SLCO3A1: variants seen among roughly 807,000 people sequenced by gnomAD.
SLCO3A1 encodes PGE1 transporter.
Under a neutral mutation model 63.1 loss-of-function variants are expected in SLCO3A1, and 27 were observed. The observed-to-expected ratio is 0.43, with a 90% CI of 0.32 to 0.59. The LOEUF (loss-of-function observed/expected upper bound fraction) is 0.59. SLCO3A1 is among the 20% of genes least tolerant of loss of function. SLCO3A1 has a pLI of 0.09. For missense variants in SLCO3A1, 773 were observed against 945.8 expected (o/e 0.82, Z 2.40); for synonymous variants, 473 against 409.9 (o/e 1.15, Z -1.86).
At chr15:91,914,876 C>G (rs934231318) in intron 1 of SLCO3A1, among the ~76,000 whole-genome samples, 1 of 152,152 alleles carries the variant, frequency 6.6e-6, no homozygotes, top group African/African-American at 2.4e-5. Context: ...CCGGCCCCAG[C>G]TATTTTCTCT....
chr15:92,000,044 G>A (rs1489421053), intron 2 of SLCO3A1, among the ~76,000 whole-genome samples: 1 of 152,166 alleles, frequency 6.6e-6, no homozygotes, highest in African/African-American at 2.4e-5. Context: ...GAATGGATTA[G>A]ATACATTTGA....
intron 2 of SLCO3A1, among the ~76,000 whole-genome samples, chr15:92,040,807 C>T (rs562980804): frequency 5.9e-5 from 9 of 152,124 alleles, no homozygotes; most frequent in Admixed American, 2.6e-4. Flanking sequence ...GACTATGGGT[C>T]TCAAACATCA....
In SLCO3A1 at chr15:91,880,098, TGTCCGTCCGTCC is replaced by T. The variant is rs61664916; in HGVS notation, c.180+26035_180+26046del. Among the ~76,000 whole-genome samples the T allele has an allele frequency of 8.6e-4, 84 of 97,858 alleles. 1 individual carries two copies. The highest frequency in any genetic ancestry group is 6.8e-3 in the South Asian group (12 of 1,774). The allele number at this position is 97,858 out of a possible 152,430, so 64.2% of individuals were successfully genotyped here. A position where few individuals can be genotyped will look rare whatever the true frequency, so the allele number is the denominator to read the frequency against. On this transcript the variant is annotated intron_variant, in intron 1 of 9. Transcript: ENST00000318445. ...ATGCTCCTCAACCTGCTTGTATGTG[TGTCCGTCCGTCC>T]GTCCGTCCGTCCGTCCGTCCGTCCA... is the stretch of plus-strand genomic sequence containing the variant.
At chr15:91,902,575 G>A (rs1898187599) in intron 1 of SLCO3A1, among the ~76,000 whole-genome samples, 1 of 152,012 alleles carries the variant, frequency 6.6e-6, no homozygotes, top group Non-Finnish European at 1.5e-5. Flanking sequence ...GAGTAGGAGG[G>A]AGGGCAAGAA....
rs150962873 is a variant in SLCO3A1, at chr15:92,162,356, G to C, written c.1754-400G>C. 398 of 171,450 alleles carry C rather than the reference G, an allele frequency of 2.3e-3. 1 individual carries two copies. The highest frequency in any genetic ancestry group is 9.1e-3 in the African/African-American group (379 of 41,740). 10.6% of individuals were successfully genotyped at this position (171,450 alleles called of 1,614,324 possible). On this transcript the variant is annotated intron_variant, in intron 9 of 9. Transcript: ENST00000318445. Reference sequence around the variant, plus strand: ...GTAGAGACGGGGTTTCACCATGTTGGCCAGGCTGGTCTCAAACTCCTGATC... The same window carrying C: ...GTAGAGACGGGGTTTCACCATGTTGCCCAGGCTGGTCTCAAACTCCTGATC...
At chr15:92,072,331 T>G (rs78537649) in intron 2 of SLCO3A1, among the ~76,000 whole-genome samples, 1,635 of 152,232 alleles carry the variant, frequency 0.011, 18 homozygotes, top group Middle Eastern at 0.037. Context: ...TTTTGGTGGT[T>G]GTTGTTGTCG....
At chr15:92,007,120 G>A (rs114298332) in intron 2 of SLCO3A1, among the ~76,000 whole-genome samples, 307 of 152,338 alleles carry the variant, frequency 2.0e-3, no homozygotes, top group African/African-American at 7.1e-3. Context: ...CAATATGTCT[G>A]TGGTGTAACA....
intron 2 of SLCO3A1, among the ~76,000 whole-genome samples, chr15:92,052,598 A>G (rs2046971078): frequency 6.6e-6 from 1 of 152,072 alleles, no homozygotes; most frequent in Non-Finnish European, 1.5e-5. Context: ...AGCCACATAT[A>G]CACAGGATTC....
chr15:91,854,057 T>C lies in SLCO3A1; in HGVS notation c.149T>C (p.Met50Thr). 6.5e-7 allele frequency: 1 copy of C among 1,534,018 alleles called. No homozygotes were observed. Among genetic ancestry groups the C allele is most frequent in the South Asian group, 1.2e-5 (1 of 83,670 alleles). Residue 50 changes from methionine to threonine, a missense_variant, in exon 1 of 10, where the codon ATG (methionine) becomes ACG (threonine). Physicochemically the swap from Met to Thr is moderately conservative, Grantham distance 81. Transcript: ENST00000318445. This position sits in a 1 kb window ranked among gnomAD's most constrained non-coding sequence, Gnocchi z 6.4. ...KIFLVSECAL[M>T]LAQGTVGAYL... is the part of the protein sequence containing the mutation. ...TTCCTGGTGTCCGAGTGCGCCCTGA[T>C]GCTGGCGCAGGGCACGGTGGGCGCC...
chr15:91,869,315 C>G (rs1010072409), intron 1 of SLCO3A1, among the ~76,000 whole-genome samples: 1 of 151,992 alleles, frequency 6.6e-6, no homozygotes, highest in Non-Finnish European at 1.5e-5. Context: ...GTGGGTGGAT[C>G]AGTTGATGTC....
chr15:92,127,587 G>A (rs2047940823), intron 6 of SLCO3A1, among the ~76,000 whole-genome samples: 1 of 152,152 alleles, frequency 6.6e-6, no homozygotes, highest in African/African-American at 2.4e-5. Flanking sequence ...AGTGCTCTGA[G>A]CCTTAGGAGA....
chr15:92,171,513 C>T (rs989485437), intron 10 of SLCO3A1: 25 of 405,168 alleles, frequency 6.2e-5, no homozygotes, highest in Non-Finnish European at 9.0e-5. Context: ...TACTCATCCC[C>T]GACATCTGCT....
intron 2 of SLCO3A1, among the ~76,000 whole-genome samples, chr15:91,979,220 G>A (rs1901240180): frequency 6.6e-6 from 1 of 152,034 alleles, no homozygotes; most frequent in Admixed American, 6.6e-5. Flanking sequence ...TGGAATATGT[G>A]CATGTGCATG....
intron 9 of SLCO3A1, among the ~76,000 whole-genome samples, chr15:92,158,334 G>C (rs1360781602): frequency 3.9e-5 from 6 of 152,138 alleles, no homozygotes; most frequent in South Asian, 2.1e-4. Flanking sequence ...CCCAATAAGA[G>C]CTCTAAAGTC....
chr15:92,019,657 C>G (rs1268330513), intron 2 of SLCO3A1, among the ~76,000 whole-genome samples: 1 of 152,234 alleles, frequency 6.6e-6, no homozygotes, highest in Non-Finnish European at 1.5e-5. Context: ...GAACCCTCCT[C>G]TTGAAGCCTA....
chr15:91,884,136 A>G (rs1897664557), intron 1 of SLCO3A1, among the ~76,000 whole-genome samples: 2 of 152,206 alleles, frequency 1.3e-5, no homozygotes, highest in Admixed American at 6.5e-5. Context: ...TTCATTTTGT[A>G]ATGAGGATTC....
intron 2 of SLCO3A1, among the ~76,000 whole-genome samples, chr15:92,084,191 C>G (rs997526996): frequency 1.3e-5 from 2 of 152,106 alleles, no homozygotes; most frequent in Non-Finnish European, 2.9e-5. Context: ...GATGCTAATC[C>G]TTTACATGAT....
chr15:92,128,621 G>A (rs1278244110), intron 7 of SLCO3A1, 132 bp downstream of exon 7: 3 of 752,664 alleles, frequency 4.0e-6, no homozygotes, highest in Non-Finnish European at 6.3e-6. Flanking sequence ...AGTGGAAGAT[G>A]TTCCATCAGC....
intron 2 of SLCO3A1, among the ~76,000 whole-genome samples, chr15:92,039,510 G>A (rs950098605): frequency 3.9e-5 from 6 of 152,126 alleles, no homozygotes; most frequent in African/African-American, 1.4e-4. Flanking sequence ...AAAACAAAAC[G>A]ACAATGAGAT....
Sources: gnomAD v4.1 joint callset for allele counts (sites outside exome capture counted in the v4.1 genomes callset) on GRCh38, gnomAD v4.1.1 for gene constraint, Gnocchi (gnomAD v3.1) non-coding constraint, MANE v1.5 for transcripts, NCBI Gene and HGNC (gene_info 2026-07-23, HGNC 2026-07-21) for gene names.